ZFAT: variants seen among roughly 807,000 people sequenced by gnomAD.
The protein encoded by ZFAT is zinc finger and AT-hook domain containing.
ZFAT carries 64 observed loss-of-function variants against 117.7 expected under a neutral mutation model. The ratio of observed to expected loss-of-function variants is 0.54; its 90% CI spans 0.44 to 0.67. ZFAT has a LOEUF of 0.67. Among genes scored for constraint, ZFAT ranks in the 30% least tolerant of loss-of-function variants. The pLI, the probability that ZFAT is intolerant of heterozygous loss-of-function variation, is 0.00. For missense variants in ZFAT, 1,433 were observed against 1,584.5 expected (o/e 0.90, Z 1.62); for synonymous variants, 679 against 615.0 (o/e 1.10, Z -1.54).
chr8:134,658,896 G>A (rs544807525), intron 1 of ZFAT, among the ~76,000 whole-genome samples: 119 of 152,260 alleles, frequency 7.8e-4, no homozygotes, highest in African/African-American at 2.8e-3. Context: ...TAGGAACTTT[G>A]GGGATGGAAC....
At chr8:134,641,588 C>T (rs1406888930) in intron 2 of ZFAT, among the ~76,000 whole-genome samples, 1 of 152,196 alleles carries the variant, frequency 6.6e-6, no homozygotes, top group Non-Finnish European at 1.5e-5. Context: ...CTGATTGTTT[C>T]GATTTTTCCC....
the ZFAT span, among the ~76,000 whole-genome samples, chr8:134,733,980 C>A: frequency 3.9e-5 from 6 of 152,250 alleles, no homozygotes; most frequent in Non-Finnish European, 7.3e-5. Flanking sequence ...CTGTGGGATG[C>A]ATTTTGAAAA....
At chr8:134,806,277 T>C in the ZFAT span, among the ~76,000 whole-genome samples, 1 of 152,230 alleles carries the variant, frequency 6.6e-6, no homozygotes, top group South Asian at 2.1e-4. Flanking sequence ...TATTTAACGG[T>C]TGCTCTCTGA....
the ZFAT span, chr8:134,723,307 G>A: frequency 6.6e-6 from 1 of 152,414 alleles, no homozygotes; most frequent in African/African-American, 2.4e-5. Flanking sequence ...TTGGCAGCCA[G>A]GCCTCCAGCG....
At position 134,512,466 on chromosome 8, in the gene ZFAT, C is replaced by A. The variant is rs114323898; in HGVS notation, c.3361+9G>T. 2.5e-6 allele frequency: 4 copies of A among 1,612,704 alleles called. No homozygotes were observed. The highest frequency in any genetic ancestry group is 2.2e-5 in the East Asian group (1 of 44,878). On this transcript the variant is annotated intron_variant, in intron 14 of 15. Transcript: ENST00000377838. Reference sequence around the variant, plus strand: ...TCTGAGATGGCAAAGGAAGACCAGGCGTCCTCACCACTCTCAGAGGTGTAT... The same window carrying A: ...TCTGAGATGGCAAAGGAAGACCAGGAGTCCTCACCACTCTCAGAGGTGTAT...
intron 10 of ZFAT, among the ~76,000 whole-genome samples, chr8:134,573,322 C>A (rs540820277): frequency 1.8e-4 from 27 of 152,130 alleles, no homozygotes; most frequent in African/African-American, 6.5e-4. Context: ...AATAACACAA[C>A]AAAACAAGAA....
intron 1 of ZFAT, among the ~76,000 whole-genome samples, chr8:134,665,240 T>G (rs905489031): frequency 6.6e-6 from 1 of 152,146 alleles, no homozygotes; most frequent in Non-Finnish European, 1.5e-5. Flanking sequence ...CAGCAGAAGG[T>G]GGCCACTTCT....
chr8:134,537,536 C>A (rs898243176), intron 11 of ZFAT, among the ~76,000 whole-genome samples: 3 of 152,110 alleles, frequency 2.0e-5, no homozygotes, highest in Non-Finnish European at 4.4e-5. Context: ...GGGGAGAAGA[C>A]GAGGGTCGAT....
intron 7 of ZFAT, among the ~76,000 whole-genome samples, chr8:134,592,668 G>A (rs180677056): frequency 2.0e-5 from 3 of 152,294 alleles, no homozygotes; most frequent in Admixed American, 1.3e-4. Context: ...CTTTGCTGCT[G>A]TGGTTTCCAC....
intron 15 of ZFAT, among the ~76,000 whole-genome samples, chr8:134,508,021 C>G (rs1819538872): frequency 6.6e-6 from 1 of 152,192 alleles, no homozygotes; most frequent in African/African-American, 2.4e-5. Flanking sequence ...GTGTATGAAT[C>G]TTTTCTCAGC....
the ZFAT span, among the ~76,000 whole-genome samples, chr8:134,790,324 C>T: frequency 2.0e-5 from 3 of 152,156 alleles, no homozygotes. Context: ...CTTAAAGGAA[C>T]CTTTCAGGCA....
intron 3 of ZFAT, among the ~76,000 whole-genome samples, chr8:134,623,982 T>C (rs1203541164): frequency 2.0e-5 from 3 of 152,120 alleles, no homozygotes. Flanking sequence ...CAGAGTCATT[T>C]CTGCCCAGCC....
At chr8:134,788,570 T>C in the ZFAT span, among the ~76,000 whole-genome samples, 4 of 152,168 alleles carry the variant, frequency 2.6e-5, no homozygotes, top group Non-Finnish European at 4.4e-5. Context: ...ATGTGAATTA[T>C]GTTTTTTAAA....
intron 10 of ZFAT, among the ~76,000 whole-genome samples, chr8:134,579,147 G>A (rs997726212): frequency 3.3e-5 from 5 of 152,202 alleles, no homozygotes; most frequent in African/African-American, 9.6e-5. Context: ...AGCTTGGGGG[G>A]CCAGGTGGGC....
At chr8:134,689,207 C>A (rs1458587750) in intron 1 of ZFAT, among the ~76,000 whole-genome samples, 1 of 152,238 alleles carries the variant, frequency 6.6e-6, no homozygotes, top group Non-Finnish European at 1.5e-5. Context: ...CATGGCAATG[C>A]CGGAAGTTAC....
At chr8:134,685,912 G>A (rs1223004519) in intron 1 of ZFAT, among the ~76,000 whole-genome samples, 2 of 152,242 alleles carry the variant, frequency 1.3e-5, no homozygotes, top group Non-Finnish European at 2.9e-5. Context: ...AGGGGCTGCT[G>A]TTCCCATCTT....
chr8:134,783,979 C>T, the ZFAT span: 9 of 152,210 alleles, frequency 5.9e-5, no homozygotes, highest in African/African-American at 2.2e-4. Flanking sequence ...CCACCTCCCC[C>T]GGCGATTAAA....
At chr8:134,584,675 GA>G (rs1445829544) in intron 9 of ZFAT, among the ~76,000 whole-genome samples, 1 of 151,974 alleles carries the variant, frequency 6.6e-6, no homozygotes, top group African/African-American at 2.4e-5. Context: ...TTCATAGTAG[GA>G]AATTTCATAG....
chr8:134,812,334 T>C, the ZFAT span, among the ~76,000 whole-genome samples: 46,000 of 152,134 alleles, frequency 0.3, 7,591 homozygotes, highest in African/African-American at 0.43. Flanking sequence ...TTACCATTTT[T>C]AATTCTTTAT....
Sources: allele counts gnomAD v4.1 joint callset (sites outside exome capture counted in the v4.1 genomes callset), GRCh38; gene constraint gnomAD v4.1.1; transcripts MANE v1.5; gene names NCBI Gene and HGNC (gene_info 2026-07-23, HGNC 2026-07-21).